MED13L: variants seen among roughly 807,000 people sequenced by gnomAD.
The protein encoded by MED13L is mediator of RNA polymerase II transcription subunit 13-like.
Under a neutral mutation model 220.9 loss-of-function variants are expected in MED13L, and 7 were observed. The ratio of observed to expected loss-of-function variants is 0.03; its 90% CI spans 0.02 to 0.06. The LOEUF (loss-of-function observed/expected upper bound fraction) is 0.06. MED13L is among the 10% of genes least tolerant of loss of function. The pLI, the probability that MED13L is intolerant of heterozygous loss-of-function variation, is 1.00. For missense variants in MED13L, 1,965 were observed against 2,760.5 expected (o/e 0.71, Z 6.46); for synonymous variants, 1,011 against 1,015.2 (o/e 1.00, Z 0.08).
intron 4 of MED13L, among the ~76,000 whole-genome samples, chr12:116,088,155 C>T (rs1871875901): frequency 6.6e-6 from 1 of 152,030 alleles, no homozygotes; most frequent in Non-Finnish European, 1.5e-5. Flanking sequence ...GTCCACCTAC[C>T]CCTCCACCCC....
At chr12:116,199,030 G>C (rs1881835330) in intron 2 of MED13L, among the ~76,000 whole-genome samples, 1 of 152,158 alleles carries the variant, frequency 6.6e-6, no homozygotes, top group African/African-American at 2.4e-5. Flanking sequence ...TGGGCACACT[G>C]ATTAGGGACT....
At chr12:116,272,436 G>A (rs1417374543) in intron 1 of MED13L, among the ~76,000 whole-genome samples, 1 of 151,976 alleles carries the variant, frequency 6.6e-6, no homozygotes, top group East Asian at 1.9e-4. Context: ...GGTGGCAGGC[G>A]CCTGTAATCC....
intron 2 of MED13L, among the ~76,000 whole-genome samples, chr12:116,157,131 C>G (rs1358365412): frequency 3.3e-5 from 5 of 152,072 alleles, no homozygotes; most frequent in Non-Finnish European, 7.4e-5. Context: ...AAACATAAAT[C>G]AAAAAACTTT....
At chr12:116,010,800 G>A (rs1344723975) in intron 9 of MED13L, among the ~76,000 whole-genome samples, 4 of 152,076 alleles carry the variant, frequency 2.6e-5, no homozygotes, top group African/African-American at 7.2e-5. Context: ...TGTAGGCTGG[G>A]AAGAGAAAAT....
chr12:116,276,952 G>A (rs1873906781), intron 1 of MED13L, 108 bp downstream of exon 1: 1 of 1,237,276 alleles, frequency 8.1e-7, no homozygotes, highest in Non-Finnish European at 1.1e-6. Flanking sequence ...GGAGACGCGA[G>A]GGAGGGGCGA....
At chr12:116,173,561 T>C (rs1044793682) in intron 2 of MED13L, among the ~76,000 whole-genome samples, 1 of 152,244 alleles carries the variant, frequency 6.6e-6, no homozygotes, top group Non-Finnish European at 1.5e-5. Flanking sequence ...TTTTGTTTTA[T>C]AGTTCTATTA....
chr12:116,175,860 G>A (rs1880022667), intron 2 of MED13L, among the ~76,000 whole-genome samples: 1 of 151,186 alleles, frequency 6.6e-6, no homozygotes, highest in South Asian at 2.1e-4. Context: ...ATAATAGGAG[G>A]GTCATTAATA....
chr12:116,126,190 T>G (rs1352766252), intron 2 of MED13L, among the ~76,000 whole-genome samples: 2 of 152,188 alleles, frequency 1.3e-5, no homozygotes, highest in African/African-American at 2.4e-5. Flanking sequence ...GTGTTTCAAC[T>G]CTACAAGATT....
At chr12:116,158,126 G>A (rs1593111989) in intron 2 of MED13L, among the ~76,000 whole-genome samples, 2 of 150,584 alleles carry the variant, frequency 1.3e-5, no homozygotes, top group South Asian at 2.1e-4. Flanking sequence ...ACAGATGAAC[G>A]CAGGTCAGAG....
At chr12:116,192,618 A>T (rs1881354483) in intron 2 of MED13L, among the ~76,000 whole-genome samples, 1 of 152,176 alleles carries the variant, frequency 6.6e-6, no homozygotes, top group Non-Finnish European at 1.5e-5. Flanking sequence ...CTTTATACCA[A>T]CCTACTCAGG....
intron 3 of MED13L, among the ~76,000 whole-genome samples, chr12:116,102,815 A>G (rs1593046691): frequency 7.3e-6 from 1 of 136,550 alleles, no homozygotes; most frequent in African/African-American, 2.8e-5. Context: ...TCTGCCTCCC[A>G]GGTTCAAGCG....
intron 16 of MED13L, among the ~76,000 whole-genome samples, chr12:115,995,967 G>A (rs1878376190): frequency 6.6e-6 from 1 of 152,200 alleles, no homozygotes; most frequent in South Asian, 2.1e-4. Flanking sequence ...GTCAGGGACT[G>A]TCTGCATACA....
chr12:116,146,823 G>A lies in MED13L; in HGVS notation c.311-35311C>T, dbSNP rs760083402. ...GCGAAAGTTGCAGTGAGCCAAGATC[G>A]CACCACTGCACTCCAGCCTGGGCAA... is the stretch of plus-strand genomic sequence containing the variant. On this transcript the variant is annotated intron_variant, in intron 2 of 30. Transcript: ENST00000281928. Among the ~76,000 whole-genome samples the A allele has an allele frequency of 4.6e-5, 7 of 151,670 alleles. No homozygotes were observed. The South Asian group carries it at 8.3e-4, about 18-fold the overall frequency.
intron 2 of MED13L, among the ~76,000 whole-genome samples, chr12:116,183,874 T>C (rs533136104): frequency 3.9e-4 from 59 of 151,882 alleles, no homozygotes; most frequent in Admixed American, 7.9e-4. Flanking sequence ...TGTGTGTATA[T>C]ATAGATAGTG....
At chr12:116,243,911 T>C (rs1396165751) in intron 1 of MED13L, among the ~76,000 whole-genome samples, 1 of 152,222 alleles carries the variant, frequency 6.6e-6, no homozygotes, top group East Asian at 1.9e-4. Context: ...TCAAGTCTCC[T>C]GGCCCAGGCT....
chr12:116,124,123 C>CGA (rs58366115), intron 2 of MED13L, among the ~76,000 whole-genome samples: 24,370 of 133,458 alleles, frequency 0.18, 2,732 homozygotes, highest in East Asian at 0.35. Context: ...GAGAGAAAGA[C>CGA]GAGAGAGAGA....
chr12:115,973,785 T>C (rs1233312064), intron 25 of MED13L, among the ~76,000 whole-genome samples: 1 of 152,192 alleles, frequency 6.6e-6, no homozygotes, highest in Non-Finnish European at 1.5e-5. Context: ...ATGATATTCC[T>C]TTAAAAAATG....
intron 1 of MED13L, among the ~76,000 whole-genome samples, chr12:116,261,948 T>C (rs994730694): frequency 6.6e-6 from 1 of 152,186 alleles, no homozygotes; most frequent in East Asian, 1.9e-4. Context: ...TGACAATCCA[T>C]ACTCCACAGG....
intron 1 of MED13L, among the ~76,000 whole-genome samples, chr12:116,240,973 C>T (rs1325348018): frequency 6.6e-6 from 1 of 152,000 alleles, no homozygotes; most frequent in Non-Finnish European, 1.5e-5. Context: ...TATTCTGTGC[C>T]TAAGAGCCTT....
Sources: gnomAD v4.1 joint callset for allele counts (sites outside exome capture counted in the v4.1 genomes callset) on GRCh38, gnomAD v4.1.1 for gene constraint, MANE v1.5 for transcripts, NCBI Gene and HGNC (gene_info 2026-07-23, HGNC 2026-07-21) for gene names.